The following LDLRAD4 variants were observed in gnomAD, a reference collection of about 807,000 sequenced individuals.
LDLRAD4 encodes the protein low density lipoprotein receptor class A domain containing 4.
In LDLRAD4, 5 loss-of-function variants were observed where a neutral mutation model predicts 17.0. The ratio of observed to expected loss-of-function variants is 0.29; its 90% confidence interval spans 0.15 to 0.62. LDLRAD4 has a LOEUF of 0.62. LDLRAD4 is among the 20% of genes least tolerant of loss of function. The pLI is 0.84. For synonymous variants in LDLRAD4, 168 were observed against 171.8 expected, an observed-to-expected ratio of 0.98 and a Z score of 0.17; for missense variants, 340 against 424.7, an observed-to-expected ratio of 0.80 and a Z score of 1.75.
chr18:13,635,625 A>G (rs1485159578), intron 4 of LDLRAD4, among the ~76,000 whole-genome samples: 1 of 152,174 alleles, frequency 6.6e-6, no homozygotes, highest in African/African-American at 2.4e-5. Context: ...GTGGCTGTTC[A>G]CTGACCATTC....
Position 13,454,734 on chromosome 18 carries a change from G to T in LDLRAD4, c.181+16350G>T, listed in dbSNP as rs148934797. The stretch of plus-strand genomic sequence containing the variant: ...CACAGGCACAGATGAGCTGGGAAAG[G>T]GGCTGGCCTGGTCCAGAAGGTGCTG... On this transcript the variant is annotated intron_variant, in intron 3 of 5. Transcript: ENST00000359446. Among the ~76,000 whole-genome samples the T allele has an allele frequency of 1.2e-4, 17 of 145,166 alleles. No individual in the cohort carries two copies. In the East Asian group the frequency reaches 3.7e-3, roughly 31 times the overall value.
intron 1 of LDLRAD4, among the ~76,000 whole-genome samples, chr18:13,342,477 C>CTTT (rs10706515): frequency 0.013 from 513 of 38,540 alleles, no homozygotes; most frequent in Middle Eastern, 0.029. Context: ...GCCTTCCTGT[C>CTTT]TTTTTTTTTT....
intron 2 of LDLRAD4, among the ~76,000 whole-genome samples, chr18:13,404,641 C>CA (rs1177428855): frequency 6.6e-6 from 1 of 151,778 alleles, no homozygotes; most frequent in Admixed American, 6.6e-5. Context: ...ACTAAAAATA[C>CA]AAAAAAATTA....
chr18:13,406,968 A>C (rs957386930), intron 2 of LDLRAD4, among the ~76,000 whole-genome samples: 3 of 152,200 alleles, frequency 2.0e-5, no homozygotes, highest in Non-Finnish European at 4.4e-5. Flanking sequence ...ACTGTTTATT[A>C]ATGGCAATTT....
At chr18:13,546,978 C>T (rs1190008269) in intron 3 of LDLRAD4, among the ~76,000 whole-genome samples, 1 of 152,182 alleles carries the variant, frequency 6.6e-6, no homozygotes, top group Non-Finnish European at 1.5e-5. Flanking sequence ...GAACATTTGA[C>T]ATTTTGGCTG....
chr18:13,276,826 G>A (rs2044903610), upstream of LDLRAD4, among the ~76,000 whole-genome samples: 5 of 152,230 alleles, frequency 3.3e-5, no homozygotes, highest in Non-Finnish European at 7.3e-5. Flanking sequence ...AGGGGAGGGA[G>A]TTGTACAGGG....
chr18:13,388,220 C>T (rs896830200), intron 2 of LDLRAD4, among the ~76,000 whole-genome samples: 1 of 152,200 alleles, frequency 6.6e-6, no homozygotes. Flanking sequence ...GGGCAGAACT[C>T]GTCTTGCAGT....
intron 1 of LDLRAD4, among the ~76,000 whole-genome samples, chr18:13,310,162 TAGTG>T (rs1389362516): frequency 1.4e-5 from 2 of 138,300 alleles, no homozygotes; most frequent in Non-Finnish European, 3.1e-5. Flanking sequence ...CTGCGCAACA[TAGTG>T]AGACCCCTGT....
intron 1 of LDLRAD4, among the ~76,000 whole-genome samples, chr18:13,294,352 C>T (rs1567976395): frequency 6.6e-6 from 1 of 152,216 alleles, no homozygotes; most frequent in African/African-American, 2.4e-5. Context: ...GAAGCGTTGA[C>T]CAAGATAACG....
chr18:13,297,674 C>T lies in LDLRAD4; in HGVS notation c.-383+19486C>T, dbSNP rs1431100559. Among the ~76,000 whole-genome samples the T allele has an allele frequency of 2.6e-5, 4 of 152,144 alleles. No individual in the cohort carries two copies. The East Asian group carries it at 5.8e-4, about 22-fold the overall frequency. On this transcript the variant is annotated intron_variant, in intron 1 of 5. Coordinates refer to ENST00000359446, the Ensembl canonical transcript of LDLRAD4. ...AATTAGCTGGGCATGGTGGCATGCACCTGTACTCCCAGCTACTTGGGAGGC... is the reference window on the plus strand; with the variant it reads ...AATTAGCTGGGCATGGTGGCATGCATCTGTACTCCCAGCTACTTGGGAGGC...
At chr18:13,306,373 G>A (rs2046915096) in intron 1 of LDLRAD4, among the ~76,000 whole-genome samples, 2 of 152,334 alleles carry the variant, frequency 1.3e-5, no homozygotes, top group Non-Finnish European at 2.9e-5. Flanking sequence ...TGTCCCTGAA[G>A]TCAGGAAGTA....
intron 2 of LDLRAD4, among the ~76,000 whole-genome samples, chr18:13,393,447 C>T (rs548267745): frequency 5.3e-5 from 8 of 152,144 alleles, no homozygotes; most frequent in East Asian, 3.9e-4. Flanking sequence ...TCTCATAGCA[C>T]GCACTCTGGA....
At chr18:13,650,446 A>G (rs190585846) in exon 6 of LDLRAD4, 1 of 398,266 alleles carries the variant, frequency 2.5e-6, no homozygotes, top group Non-Finnish European at 4.4e-6. Context: ...CACATTATAT[A>G]TATGTAGATA....
intron 3 of LDLRAD4, among the ~76,000 whole-genome samples, chr18:13,479,272 A>T (rs1417953654): frequency 6.6e-6 from 1 of 152,174 alleles, no homozygotes; most frequent in Admixed American, 6.5e-5. Flanking sequence ...AATAATTGAG[A>T]AGCTGCACTT....
chr18:13,326,954 G>A (rs1048194996), intron 1 of LDLRAD4, among the ~76,000 whole-genome samples: 2 of 152,102 alleles, frequency 1.3e-5, no homozygotes, highest in Non-Finnish European at 2.9e-5. Context: ...AAAATAGCAG[G>A]TGCTGACAGG....
At chr18:13,256,276 T>A (rs1567938825) in intron 1 of LDLRAD4, among the ~76,000 whole-genome samples, 1 of 152,180 alleles carries the variant, frequency 6.6e-6, no homozygotes, top group Non-Finnish European at 1.5e-5. Flanking sequence ...CTCCTGCCAT[T>A]TGAGGTGAGT....
intron 1 of LDLRAD4, among the ~76,000 whole-genome samples, chr18:13,236,808 G>A (rs549052225): frequency 2.0e-5 from 3 of 152,236 alleles, no homozygotes; most frequent in East Asian, 1.9e-4. Context: ...TTTTGCAGAT[G>A]TGTTGACATC....
exon 6 of LDLRAD4, chr18:13,647,878 A>G (rs569874730): frequency 2.0e-5 from 3 of 152,252 alleles, no homozygotes; most frequent in Non-Finnish European, 4.4e-5. Flanking sequence ...ACCAGCTCTC[A>G]GGGCAGAGAT....
chr18:13,590,630 A>T (rs150490415), intron 3 of LDLRAD4, among the ~76,000 whole-genome samples: 1 of 152,080 alleles, frequency 6.6e-6, no homozygotes. Flanking sequence ...ACCCAAAACC[A>T]AGTTCTGGCT....
Sources: gnomAD v4.1 joint callset for allele counts (sites outside exome capture counted in the v4.1 genomes callset) on GRCh38, gnomAD v4.1.1 for gene constraint, MANE v1.5 for transcripts, NCBI Gene and HGNC (gene_info 2026-07-23, HGNC 2026-07-21) for gene names.